The following OR2T6 variants were observed in gnomAD, a reference collection of about 807,000 sequenced individuals.
The protein encoded by OR2T6 is olfactory receptor 2T6.
For synonymous variants in OR2T6, 174 were observed against 148.0 expected, an observed-to-expected ratio of 1.18 and a Z score of -1.27; for missense variants, 424 against 391.6, an observed-to-expected ratio of 1.08 and a Z score of -0.70.
intron 1 of OR2T6, among the ~76,000 whole-genome samples, chr1:248,380,233 C>T (rs1661009008): frequency 6.6e-6 from 1 of 151,920 alleles, no homozygotes; most frequent in Non-Finnish European, 1.5e-5. Flanking sequence ...AAATCGTCTT[C>T]TTCATTAAAA....
chr1:248,382,655 C>T (rs920847023), intron 1 of OR2T6, among the ~76,000 whole-genome samples: 2 of 151,872 alleles, frequency 1.3e-5, no homozygotes, highest in Admixed American at 6.6e-5. Flanking sequence ...ACCTCAGCCT[C>T]CAGAGTAGCT....
At chr1:248,385,559 T>C (rs1408347534) in intron 2 of OR2T6, among the ~76,000 whole-genome samples, 3 of 152,350 alleles carry the variant, frequency 2.0e-5, no homozygotes, top group African/African-American at 7.2e-5. Flanking sequence ...ATTCCTCTAA[T>C]GGCAATTATT....
intron 2 of OR2T6, among the ~76,000 whole-genome samples, chr1:248,385,132 G>A (rs1020261732): frequency 6.6e-6 from 1 of 152,130 alleles, no homozygotes; most frequent in Admixed American, 6.5e-5. Context: ...AGCAGACCCT[G>A]CTGCAGAGAA....
intron 2 of OR2T6, among the ~76,000 whole-genome samples, chr1:248,385,231 G>C (rs1661118359): frequency 6.6e-6 from 1 of 152,146 alleles, no homozygotes; most frequent in Non-Finnish European, 1.5e-5. Context: ...AAACCGAAGA[G>C]GCTTTTCTCT....
rs1349396682 is a variant in OR2T6, at chr1:248,390,696, G to A, written c.*2161G>A. The A allele has an allele frequency of 6.6e-6, 1 of 152,174 alleles. No homozygotes were observed. 9.4% of individuals were successfully genotyped at this position (152,174 alleles called of 1,614,324 possible). ...GACAACAGTATGTGCCAGATAATAT[G>A]AGGGAGCATTTCCAACCAAGAAGAT... On this transcript the variant is annotated 3_prime_UTR_variant, in exon 3 of 3. Transcript: ENST00000641644.
At position 248,390,897 on chromosome 1, in the gene OR2T6, G is replaced by A. The variant is rs962807777; in HGVS notation, c.*2362G>A. 10 of 151,918 alleles carry A rather than the reference G, an allele frequency of 6.6e-5. No individual in the cohort carries two copies. Among genetic ancestry groups the A allele is most frequent in the African/African-American group, 2.2e-4 (9 of 41,378 alleles). 9.4% of individuals were successfully genotyped at this position (151,918 alleles called of 1,614,324 possible). On this transcript the variant is annotated 3_prime_UTR_variant, in exon 3 of 3. Transcript: ENST00000641644. ...TGACTTAATACATACTTTTTTTCTTGTAAGATTTTAAAATCAAGTAAAATG... is the reference window on the plus strand; with the variant it reads ...TGACTTAATACATACTTTTTTTCTTATAAGATTTTAAAATCAAGTAAAATG...
rs1317997317 is a variant in OR2T6 at position 248,375,761 on chromosome 1, G to T, written c.-452G>T. ...AGATTACTTAAACTCTTCCCTCTTT[G>T]GTTCCTGGAGCTGTGTGCACAGTGC... On this transcript the variant is annotated 5_prime_UTR_variant, in exon 1 of 3. Coordinates refer to ENST00000641644, the MANE Select transcript of OR2T6 (RefSeq NM_001005471.2). The T allele has an allele frequency of 1.3e-5, 2 of 148,986 alleles. No homozygotes were observed. Among genetic ancestry groups the T allele is most frequent in the Admixed American group, 6.8e-5 (1 of 14,770 alleles). The allele number at this position is 148,986 out of a possible 1,614,324, so 9.2% of individuals were successfully genotyped here. A position where few individuals can be genotyped will look rare whatever the true frequency, so the allele number is the denominator to read the frequency against.
At position 248,388,240 on chromosome 1, in the gene OR2T6, T is replaced by C. The variant is rs948503652; in HGVS notation, c.632T>C (p.Phe211Ser). ...VCCVAMLLIP[F>S]SVVTASYTRI... ...TGCGTTGCAATGCTGCTGATCCCCT[T>C]CTCGGTGGTGACTGCATCCTACACC... The change falls in exon 3 of 3, where the codon TTC (phenylalanine) becomes TCC (serine). Residue 211 changes from phenylalanine to serine, a missense_variant. Physicochemically the swap from Phe to Ser is radical, Grantham distance 155. Coordinates refer to ENST00000641644, the MANE Select transcript of OR2T6 (RefSeq NM_001005471.2). 2 of 1,613,822 alleles carry C rather than the reference T, an allele frequency of 1.2e-6. No individual in the cohort carries two copies. Among genetic ancestry groups the C allele is most frequent in the Non-Finnish European group, 1.7e-6 (2 of 1,179,978 alleles).
intron 2 of OR2T6, 82 bp downstream of exon 2, chr1:248,384,946 T>C (rs1661110971): frequency 6.6e-6 from 1 of 152,224 alleles, no homozygotes; most frequent in Admixed American, 6.5e-5. Context: ...CGATTTCTTG[T>C]TAGCTAGCAT....
At chr1:248,387,297 C>G (rs1182373637) in intron 2 of OR2T6, among the ~76,000 whole-genome samples, 1 of 152,162 alleles carries the variant, frequency 6.6e-6, no homozygotes, top group African/African-American at 2.4e-5. Flanking sequence ...GGAGCCAACT[C>G]CAAATGAAGG....
Position 248,390,517 on chromosome 1 carries a change from C to A in OR2T6, c.*1982C>A, listed in dbSNP as rs1661230991. Reference sequence around the variant, plus strand: ...TGACAAAATATTTAGCCAAATAGAACAGCTCAACTTGGCATTGGGCTGAGC... The same window carrying A: ...TGACAAAATATTTAGCCAAATAGAAAAGCTCAACTTGGCATTGGGCTGAGC... On this transcript the variant is annotated 3_prime_UTR_variant, in exon 3 of 3. Transcript: ENST00000641644. The A allele has an allele frequency of 6.6e-6, 1 of 152,210 alleles. No homozygotes were observed. Among genetic ancestry groups the A allele is most frequent in the South Asian group, 2.1e-4 (1 of 4,830 alleles). 9.4% of individuals were successfully genotyped at this position (152,210 alleles called of 1,614,324 possible). A position where few individuals can be genotyped will look rare whatever the true frequency, so the allele number is the denominator to read the frequency against.
intron 1 of OR2T6, among the ~76,000 whole-genome samples, chr1:248,378,520 T>A (rs1295586452): frequency 6.6e-6 from 1 of 151,862 alleles, no homozygotes; most frequent in Non-Finnish European, 1.5e-5. Flanking sequence ...CTCATCTTAC[T>A]TGTGTGAAAC....
At chr1:248,386,987 G>T (rs1168345371) in intron 2 of OR2T6, among the ~76,000 whole-genome samples, 2 of 152,092 alleles carry the variant, frequency 1.3e-5, no homozygotes, top group Non-Finnish European at 2.9e-5. Context: ...TTAGAACACT[G>T]CACAGTACTC....
At chr1:248,381,986 C>T (rs1661041286) in intron 1 of OR2T6, among the ~76,000 whole-genome samples, 1 of 152,002 alleles carries the variant, frequency 6.6e-6, no homozygotes, top group Non-Finnish European at 1.5e-5. Context: ...GTCTAAGAAA[C>T]TGATGTGTGT....
intron 1 of OR2T6, among the ~76,000 whole-genome samples, chr1:248,379,858 CT>C (rs141169889): frequency 5.3e-5 from 8 of 151,498 alleles, no homozygotes; most frequent in East Asian, 1.9e-4. Context: ...TTGGTATTTT[CT>C]TTTTTTTGAT....
rs1188589666 is a variant in OR2T6, at chr1:248,389,391, C to T, written c.*856C>T. 1 of 152,212 alleles carries T rather than the reference C, an allele frequency of 6.6e-6. No individual in the cohort carries two copies. The highest frequency in any genetic ancestry group is 2.4e-5 in the African/African-American group (1 of 41,452). 9.4% of individuals were successfully genotyped at this position (152,212 alleles called of 1,614,324 possible). A position where few individuals can be genotyped will look rare whatever the true frequency, so the allele number is the denominator to read the frequency against. ...TTTTCTCTTTTAAAAAAGTAGTAGA[C>T]AGCGTCATATTTTTCCTTCTCTATA... On this transcript the variant is annotated 3_prime_UTR_variant, in exon 3 of 3. Transcript: ENST00000641644.
rs994174049 is a variant in OR2T6, at chr1:248,390,231, T to C, written c.*1696T>C. On this transcript the variant is annotated 3_prime_UTR_variant, in exon 3 of 3. Transcript: ENST00000641644. The stretch of plus-strand genomic sequence containing the variant: ...AGTTGGCTACGTCAAGGGTGTTCTA[T>C]ACACTTAGTATGATTTCTTTTTAAG... 17 of 152,238 alleles carry C rather than the reference T, an allele frequency of 1.1e-4. No homozygotes were observed. Among genetic ancestry groups the C allele is most frequent in the African/African-American group, 2.4e-5 (1 of 41,458 alleles). The allele number at this position is 152,238 out of a possible 1,614,324, so 9.4% of individuals were successfully genotyped here.
intron 1 of OR2T6, among the ~76,000 whole-genome samples, chr1:248,382,433 A>G (rs1362820103): frequency 6.6e-6 from 1 of 151,676 alleles, no homozygotes; most frequent in Non-Finnish European, 1.5e-5. Context: ...TTCAATTTTT[A>G]TTAATAATTC....
At chr1:248,383,121 A>G (rs1286748703) in intron 1 of OR2T6, among the ~76,000 whole-genome samples, 2 of 106,574 alleles carry the variant, frequency 1.9e-5, no homozygotes, top group African/African-American at 4.6e-5. Context: ...ATCATCATGG[A>G]GAAAGCACTG....
Sources: gnomAD v4.1 joint callset for allele counts (sites outside exome capture counted in the v4.1 genomes callset) on GRCh38, gnomAD v4.1.1 for gene constraint, MANE v1.5 for transcripts, NCBI Gene and HGNC (gene_info 2026-07-23, HGNC 2026-07-21) for gene names.